The following ITIH1 variants were observed in gnomAD, a reference collection of about 807,000 sequenced individuals.
ITIH1 encodes inter-alpha-trypsin inhibitor heavy chain H1.
Under a neutral mutation model 104.6 loss-of-function variants are expected in ITIH1, and 94 were observed. That is an observed-to-expected ratio of 0.90 (90% CI 0.76 to 1.07). The LOEUF is 1.07. ITIH1 is among the 50% of genes least tolerant of loss of function. The pLI, the probability that ITIH1 is intolerant of heterozygous loss-of-function variation, is 0.00. For missense variants in ITIH1, 1,193 were observed against 1,181.4 expected (o/e 1.01, Z -0.14); for synonymous variants, 455 against 464.4 (o/e 0.98, Z 0.26).
At chr3:52,784,929 G>T in intron 11 of ITIH1, 115 bp from the exon 12 acceptor site, 1 of 1,051,938 alleles carries the variant, frequency 9.5e-7, no homozygotes, top group Non-Finnish European at 1.4e-6. Flanking sequence ...TTGACCTCTC[G>T]GACCCTCAAA....
intron 1 of ITIH1, 45 bp from the exon 2 acceptor site, chr3:52,777,952 C>T (rs201042924): frequency 6.2e-7 from 1 of 1,613,360 alleles, no homozygotes; most frequent in Non-Finnish European, 8.5e-7. Context: ...GGCCGGTGGT[C>T]CCCTGAGTTT....
Position 52,779,693 on chromosome 3 carries a change from G to C in ITIH1, c.573+99G>C, listed in dbSNP as rs1698989440. ...CCACCATGTGTCACCACCCAGGCCTGAGAACACAGGGATGGGGACTAACCC... is the reference window on the plus strand; with the variant it reads ...CCACCATGTGTCACCACCCAGGCCTCAGAACACAGGGATGGGGACTAACCC... On this transcript the variant is annotated intron_variant, in intron 5 of 21. Transcript: ENST00000273283. The surrounding 1 kb of genome is among the most constrained non-coding windows in gnomAD (Gnocchi z 4.4). 2 of 1,403,590 alleles carry C rather than the reference G, an allele frequency of 1.4e-6. No homozygotes were observed. Among genetic ancestry groups the C allele is most frequent in the East Asian group, 4.6e-5 (2 of 43,854 alleles). The allele number at this position is 1,403,590 out of a possible 1,614,324, so 86.9% of individuals were successfully genotyped here.
chr3:52,787,333 C>G, intron 15 of ITIH1, 131 bp downstream of exon 15: 1 of 1,303,026 alleles, frequency 7.7e-7, no homozygotes, highest in Non-Finnish European at 1.1e-6. Flanking sequence ...TTCTTCCGTC[C>G]CCTGAGCCGC....
chr3:52,778,030 C>T lies in ITIH1; in HGVS notation c.138+13C>T. ...GGCTGTGGACACCGTGAGTAAGAGT[C>T]CTGGCAAAGGGGTCTGTGACAGAGC... On this transcript the variant is annotated intron_variant, in intron 2 of 21. Transcript: ENST00000273283. The T allele has an allele frequency of 6.2e-7, 1 of 1,614,144 alleles. No individual in the cohort carries two copies. The highest frequency in any genetic ancestry group is 1.1e-5 in the South Asian group (1 of 91,076).
At position 52,791,999 on chromosome 3, in the gene ITIH1, T is replaced by C; in HGVS notation, c.*88T>C. 7.0e-7 allele frequency: 1 copy of C among 1,420,172 alleles called. No individual in the cohort carries two copies. The highest frequency in any genetic ancestry group is 9.6e-7 in the Non-Finnish European group (1 of 1,043,024). The allele number at this position is 1,420,172 out of a possible 1,614,324, so 88.0% of individuals were successfully genotyped here. A position where few individuals can be genotyped will look rare whatever the true frequency, so the allele number is the denominator to read the frequency against. On this transcript the variant is annotated 3_prime_UTR_variant, in exon 22 of 22. Coordinates refer to ENST00000273283, the MANE Select transcript of ITIH1 (RefSeq NM_002215.4). Reference sequence around the variant, plus strand: ...GACCTGCTGCTGAGGCTGTACCTCCTTGACTAAGCTGGTTCCTTGTGTCAA... The same window carrying C: ...GACCTGCTGCTGAGGCTGTACCTCCCTGACTAAGCTGGTTCCTTGTGTCAA...
chr3:52,779,690 C>T lies in ITIH1; in HGVS notation c.573+96C>T, dbSNP rs1698989278. ...CACCCACCATGTGTCACCACCCAGGCCTGAGAACACAGGGATGGGGACTAA... is the reference window on the plus strand; with the variant it reads ...CACCCACCATGTGTCACCACCCAGGTCTGAGAACACAGGGATGGGGACTAA... On this transcript the variant is annotated intron_variant, in intron 5 of 21. Coordinates refer to ENST00000273283, the MANE Select transcript of ITIH1 (RefSeq NM_002215.4). The surrounding 1 kb of genome is among the most constrained non-coding windows in gnomAD (Gnocchi z 4.4). 3 of 1,422,058 alleles carry T rather than the reference C, an allele frequency of 2.1e-6. No homozygotes were observed. In the East Asian group the frequency reaches 6.8e-5, roughly 32 times the overall value. 88.1% of individuals were successfully genotyped at this position (1,422,058 alleles called of 1,614,324 possible). A position where few individuals can be genotyped will look rare whatever the true frequency, so the allele number is the denominator to read the frequency against.
At position 52,781,949 on chromosome 3, in the gene ITIH1, CT is replaced by C. The variant is rs762948582; in HGVS notation, c.698del (p.Leu233ArgfsTer6). 1.1e-4 allele frequency: 174 copies of C among 1,614,042 alleles called. No homozygotes were observed. Among genetic ancestry groups the C allele is most frequent in the Non-Finnish European group, 1.4e-4 (167 of 1,180,034 alleles). ...KSFSGKKGHVLFRPTVSQQQS... is the reference protein window; with the variant it reads ...KSFSGKKGHVXFRPTVSQQQS... ...CTCTCGACGGTTCCAGGGTCATGTG[CT>C]GTTCCGTCCCACCGTGAGCCAGCAG... On this transcript the variant is annotated frameshift_variant, in exon 7 of 22. Transcript: ENST00000273283. LOFTEE classifies it high-confidence loss of function.
At chr3:52,789,417 G>A (rs141620077) in intron 18 of ITIH1, among the ~76,000 whole-genome samples, 113 of 152,244 alleles carry the variant, frequency 7.4e-4, no homozygotes, top group African/African-American at 2.6e-3. Flanking sequence ...CACGACCTCC[G>A]TTAGGACCCA....
intron 20 of ITIH1, 60 bp downstream of exon 20, chr3:52,790,981 G>A: frequency 6.6e-7 from 1 of 1,515,722 alleles, no homozygotes; most frequent in South Asian, 1.3e-5. Flanking sequence ...AGGACATGTG[G>A]GACCTGGGGC....
chr3:52,787,351 C>A, intron 15 of ITIH1, 149 bp downstream of exon 15: 1 of 1,225,210 alleles, frequency 8.2e-7, no homozygotes, highest in Non-Finnish European at 1.2e-6. Flanking sequence ...CGCCCTTCTC[C>A]ACATCACCGC....
intron 6 of ITIH1, among the ~76,000 whole-genome samples, chr3:52,781,209 TTC>T (rs1477594636): frequency 0.019 from 276 of 14,264 alleles, 8 homozygotes; most frequent in African/African-American, 0.044. Context: ...TTTTTTTTTT[TTC>T]TTCTTCTTCT....
At chr3:52,777,842 C>T in intron 1 of ITIH1, 110 bp downstream of exon 1, 1 of 1,347,118 alleles carries the variant, frequency 7.4e-7, no homozygotes, top group East Asian at 2.3e-5. Flanking sequence ...ACCACCTCCA[C>T]CACTTCTGAG....
At position 52,788,340 on chromosome 3, in the gene ITIH1, A is replaced by T. The variant is rs368537827; in HGVS notation, c.2114A>T (p.Asn705Ile). 2.5e-6 allele frequency: 4 copies of T among 1,590,820 alleles called. No homozygotes were observed. The African/African-American group carries it at 5.4e-5, about 21-fold the overall frequency. ...GVILSLVQDP[N>I]TGFSVNGQLI... Reference sequence around the variant, plus strand: ...ATCCTGAGCCTGGTACAGGACCCCAACACAGGTATGGCGGGCATCACACCT... The same window carrying T: ...ATCCTGAGCCTGGTACAGGACCCCATCACAGGTATGGCGGGCATCACACCT... Residue 705 changes from asparagine (N) to isoleucine (I), a missense_variant, in exon 18 of 22, where the codon AAC becomes ATC. Physicochemically the swap from Asn to Ile is moderately radical, Grantham distance 149. Coordinates refer to ENST00000273283, the MANE Select transcript of ITIH1 (RefSeq NM_002215.4).
chr3:52,786,547 C>A, intron 13 of ITIH1, 113 bp downstream of exon 13: 1 of 1,064,790 alleles, frequency 9.4e-7, no homozygotes, highest in Non-Finnish European at 1.3e-6. Context: ...GATTTACTTT[C>A]CTCTTCTGCT....
chr3:52,791,592 C>T lies in ITIH1; in HGVS notation c.2570C>T (p.Thr857Met), dbSNP rs765983118. 2.3e-5 allele frequency: 37 copies of T among 1,613,996 alleles called. No homozygotes were observed. In the African/African-American group the frequency reaches 3.2e-4, roughly 14 times the overall value. The part of the protein sequence containing the change: ...PGSDPTKPDA[T>M]MVVRNRRLTV... ...TCTGACCCCACAAAGCCAGATGCCA[C>T]GATGGTGGTGAGGAACCGCCGGCTC... is the stretch of plus-strand genomic sequence containing the variant. The change falls in exon 21 of 22, where the codon ACG becomes ATG. Residue 857 changes from threonine to methionine, a missense_variant. By Grantham distance (81) the Thr-to-Met change is moderately conservative (BLOSUM62 -1). Transcript: ENST00000273283.
Position 52,791,835 on chromosome 3 carries a change from G to A in ITIH1, c.2660G>A (p.Cys887Tyr). 6.2e-7 allele frequency: 1 copy of A among 1,614,196 alleles called. No homozygotes were observed. The highest frequency in any genetic ancestry group is 8.5e-7 in the Non-Finnish European group (1 of 1,180,024). The change falls in exon 22 of 22, where the codon TGC (cysteine) becomes TAC (tyrosine). Residue 887 changes from cysteine to tyrosine, a missense_variant. By Grantham distance (194) the Cys-to-Tyr change is radical. Coordinates refer to ENST00000273283, the MANE Select transcript of ITIH1 (RefSeq NM_002215.4). ...KDPWHGAEVS[C>Y]WFIHNNGAGL... The stretch of plus-strand genomic sequence containing the variant: ...CCGTGGCATGGGGCCGAGGTGTCCT[G>A]CTGGTTCATTCACAACAATGGGGCT...
chr3:52,789,380 G>A (rs2154108766), intron 18 of ITIH1, among the ~76,000 whole-genome samples: 1 of 152,284 alleles, frequency 6.6e-6, no homozygotes, highest in African/African-American at 2.4e-5. Context: ...CAGAGAAGGA[G>A]CAGGCTAGGT....
chr3:52,783,000 G>A lies in ITIH1; in HGVS notation c.974G>A (p.Gly325Glu). 1 of 1,614,096 alleles carries A rather than the reference G, an allele frequency of 6.2e-7. No individual in the cohort carries two copies. The highest frequency in any genetic ancestry group is 8.5e-7 in the Non-Finnish European group (1 of 1,179,994). Reference protein sequence around the residue: ...LLKILGDMQPGDYFDLVLFGT... With the variant: ...LLKILGDMQPEDYFDLVLFGT... Reference sequence around the variant, plus strand: ...AAAATTCTGGGGGACATGCAGCCAGGGGACTACTTTGACCTGGTTCTTTTT... The same window carrying A: ...AAAATTCTGGGGGACATGCAGCCAGAGGACTACTTTGACCTGGTTCTTTTT... The change falls in exon 9 of 22, where the codon GGG becomes GAG. Residue 325 changes from glycine (G) to glutamate (E), a missense_variant. Physicochemically the swap from Gly to Glu is moderately conservative, Grantham distance 98 (BLOSUM62 -2). Transcript: ENST00000273283.
chr3:52,786,384 C>T lies in ITIH1; in HGVS notation c.1683C>T (p.His561=), dbSNP rs773732229. ...AGCGTGGCCACATGCTGGAGAACCA[C>T]GTCGAGCGCCTCTGGGCCTACCTCA... ...LRERGHMLEN[H]VERLWAYLTI... Residue 561 remains histidine, a synonymous_variant, in exon 13 of 22, where the codon CAC becomes CAT. Transcript: ENST00000273283. 13 of 1,585,402 alleles carry T rather than the reference C, an allele frequency of 8.2e-6. No homozygotes were observed. Among genetic ancestry groups the T allele is most frequent in the African/African-American group, 1.3e-5 (1 of 74,292 alleles).
Sources: allele counts gnomAD v4.1 joint callset (sites outside exome capture counted in the v4.1 genomes callset), GRCh38; gene constraint gnomAD v4.1.1; non-coding constraint Gnocchi (gnomAD v3.1); transcripts MANE v1.5; gene names NCBI Gene and HGNC (gene_info 2026-07-23, HGNC 2026-07-21).